Variants in USP34 observed in about 807,000 individuals in gnomAD.
The protein encoded by USP34 is ubiquitin carboxyl-terminal hydrolase 34.
USP34 carries 70 observed loss-of-function variants against 460.3 expected under a neutral mutation model. The ratio of observed to expected loss-of-function variants is 0.15; its 90% CI spans 0.13 to 0.19. The LOEUF (loss-of-function observed/expected upper bound fraction) is 0.19, where lower values mean the gene tolerates loss of function less well. Among genes scored for constraint, USP34 ranks in the 10% least tolerant of loss-of-function variants. The probability of loss-of-function intolerance (pLI) is 1.00; values close to 1 mark genes in which losing one functional copy is unlikely to be tolerated. For missense variants in USP34, 3,985 were observed against 4,236.2 expected (o/e 0.94, Z 1.65); for synonymous variants, 1,647 against 1,405.3 (o/e 1.17, Z -3.85).
At position 61,214,215 on chromosome 2, in the gene USP34, C is replaced by T; in HGVS notation, c.8527G>A (p.Val2843Met). 2 of 1,614,240 alleles carry T rather than the reference C, an allele frequency of 1.2e-6. No individual in the cohort carries two copies. The highest frequency in any genetic ancestry group is 1.7e-6 in the Non-Finnish European group (2 of 1,180,040). The change falls in exon 68 of 80, where the codon GTG becomes ATG. Residue 2843 changes from valine (V) to methionine (M), a missense_variant. Val to Met is a conservative substitution (Grantham distance 21). This residue lies in a region of USP34 where 66 missense variants were observed against 121.2 expected (regional missense o/e 0.54). Coordinates refer to ENST00000398571, the MANE Select transcript of USP34 (RefSeq NM_014709.4). Reference sequence around the variant, plus strand: ...AGCATCCCACGGTTAAAAAGCACCACATCCTGATCATCATGGTCAGCAAGG... The same window carrying T: ...AGCATCCCACGGTTAAAAAGCACCATATCCTGATCATCATGGTCAGCAAGG... ...YILADHDDQDVVLFNRGMLPA... is the reference protein window; with the variant it reads ...YILADHDDQDMVLFNRGMLPA...
Position 61,188,043 on chromosome 2 carries a change from T to C in USP34, c.*59A>G, listed in dbSNP as rs749064258. ...CACAAAAACAAATAAGCAAAACTTA[T>C]ACAAACAGCATGGGGGTTGGGGGTG... On this transcript the variant is annotated 3_prime_UTR_variant, in exon 80 of 80. Coordinates refer to ENST00000398571, the MANE Select transcript of USP34 (RefSeq NM_014709.4). 41 of 1,544,094 alleles carry C rather than the reference T, an allele frequency of 2.7e-5. No individual in the cohort carries two copies. The East Asian group carries it at 2.9e-4, about 11-fold the overall frequency.
chr2:61,282,518 C>A (rs553751811), intron 37 of USP34, among the ~76,000 whole-genome samples: 26 of 152,106 alleles, frequency 1.7e-4, no homozygotes, highest in Non-Finnish European at 3.2e-4. Context: ...CTGGGTGCAG[C>A]GGCTCATGCC....
At chr2:61,268,221 G>A (rs923840158) in intron 41 of USP34, among the ~76,000 whole-genome samples, 1 of 151,854 alleles carries the variant, frequency 6.6e-6, no homozygotes, top group Non-Finnish European at 1.5e-5. Context: ...GTCTGTTTAG[G>A]CTGCTGTAAT....
chr2:61,197,788 C>G (rs930764439), intron 75 of USP34, among the ~76,000 whole-genome samples: 5 of 151,970 alleles, frequency 3.3e-5, no homozygotes, highest in Non-Finnish European at 5.9e-5. Context: ...GGAACAGAGT[C>G]TCACTCTGTT....
chr2:61,288,919 T>C, intron 33 of USP34, 42 bp from the exon 34 acceptor site: 1 of 1,586,476 alleles, frequency 6.3e-7, no homozygotes, highest in Non-Finnish European at 8.6e-7. Flanking sequence ...TTTTCATTAA[T>C]TTAGAATGGC....
chr2:61,388,455 T>TAA lies in USP34; in HGVS notation c.754-5120_754-5119insTT, dbSNP rs1325133129. Among the ~76,000 whole-genome samples the TAA allele has an allele frequency of 4.3e-5, 5 of 116,300 alleles. No homozygotes were observed. The East Asian group carries it at 7.5e-4, about 17-fold the overall frequency. 76.3% of individuals were successfully genotyped at this position (116,300 alleles called of 152,430 possible). ...AGGGGATGTGGGGGTACAGGGGAGT[T>TAA]TAAAAAAAAAAAAAAAAAAGATTGG... On this transcript the variant is annotated intron_variant, in intron 5 of 79. Transcript: ENST00000398571.
At chr2:61,219,340 G>A (rs1687492358) in intron 67 of USP34, among the ~76,000 whole-genome samples, 1 of 152,094 alleles carries the variant, frequency 6.6e-6, no homozygotes, top group Non-Finnish European at 1.5e-5. Context: ...TTTCTCCTAG[G>A]AGCCATGAAT....
At chr2:61,290,240 G>A (rs548926735) in intron 33 of USP34, among the ~76,000 whole-genome samples, 55 of 152,116 alleles carry the variant, frequency 3.6e-4, no homozygotes, top group African/African-American at 1.2e-3. Flanking sequence ...TGAAATTCTC[G>A]TATGTTGCAT....
intron 20 of USP34, among the ~76,000 whole-genome samples, chr2:61,327,086 T>C (rs1390854569): frequency 2.6e-5 from 4 of 152,110 alleles, no homozygotes; most frequent in Non-Finnish European, 1.5e-5. Context: ...GTGCACAGCC[T>C]GGGCATCTTA....
At position 61,348,271 on chromosome 2, in the gene USP34, A is replaced by G. The variant is rs1354201515; in HGVS notation, c.1884T>C (p.Asp628=). 1 of 1,614,170 alleles carries G rather than the reference A, an allele frequency of 6.2e-7. No individual in the cohort carries two copies. The highest frequency in any genetic ancestry group is 2.2e-5 in the East Asian group (1 of 44,882). The change falls in exon 15 of 80, where the codon GAT becomes GAC. Residue 628 remains aspartate (D), a synonymous_variant. Transcript: ENST00000398571. ...TGCTTTTGGGAGGATTATGACCATG[A>G]TCATCGTCTTCATCTTCCTCTTTGA... ...EALKEEDEDD[D]HGHNPPKSSC... is the part of the protein sequence containing the mutation.
intron 15 of USP34, among the ~76,000 whole-genome samples, chr2:61,346,527 T>TAAAA (rs926076478): frequency 2.3e-5 from 1 of 44,270 alleles, no homozygotes; most frequent in African/African-American, 1.1e-4. Flanking sequence ...CCCTATCTCT[T>TAAAA]AAAAAAAAAA....
At chr2:61,280,090 G>C (rs959742849) in intron 39 of USP34, among the ~76,000 whole-genome samples, 154 bp downstream of exon 39, 1 of 152,176 alleles carries the variant, frequency 6.6e-6, no homozygotes, top group Non-Finnish European at 1.5e-5. Context: ...TTAGAAGAAG[G>C]TGGAAAAGCA....
intron 10 of USP34, among the ~76,000 whole-genome samples, chr2:61,355,367 G>T (rs1692071428): frequency 6.6e-6 from 1 of 152,018 alleles, no homozygotes; most frequent in Non-Finnish European, 1.5e-5. Flanking sequence ...TTTTCCACAT[G>T]ATTTAAAAAA....
At chr2:61,257,405 G>A (rs1190944862) in intron 44 of USP34, 55 bp from the exon 45 acceptor site, 10 of 1,449,662 alleles carry the variant, frequency 6.9e-6, no homozygotes, top group South Asian at 1.5e-5. Flanking sequence ...GAAAATTATA[G>A]GTTCTTCAAT....
chr2:61,362,150 A>G (rs1041583016), intron 10 of USP34, among the ~76,000 whole-genome samples: 1 of 152,186 alleles, frequency 6.6e-6, no homozygotes, highest in African/African-American at 2.4e-5. Flanking sequence ...TCAAAAAGAC[A>G]AAAGATAAAT....
intron 20 of USP34, among the ~76,000 whole-genome samples, chr2:61,326,180 C>A (rs1056726023): frequency 6.6e-6 from 1 of 151,534 alleles, no homozygotes; most frequent in Non-Finnish European, 1.5e-5. Flanking sequence ...TGGAGGTAAT[C>A]ATCAGGTTTG....
intron 1 of USP34, among the ~76,000 whole-genome samples, chr2:61,421,792 CACACA>C (rs1558584962): frequency 2.7e-5 from 4 of 148,298 alleles, no homozygotes; most frequent in African/African-American, 9.7e-5. Context: ...CACACACACA[CACACA>C]CGCGCGCGCG....
intron 3 of USP34, among the ~76,000 whole-genome samples, chr2:61,395,750 C>A (rs10188522): frequency 0.4 from 53,373 of 135,002 alleles, 10,380 homozygotes; most frequent in Admixed American, 0.45. Flanking sequence ...CGCGCCACAG[C>A]ACTCCCGCCT....
chr2:61,212,543 G>C (rs1687298664), intron 68 of USP34, among the ~76,000 whole-genome samples: 1 of 152,076 alleles, frequency 6.6e-6, no homozygotes, highest in Non-Finnish European at 1.5e-5. Flanking sequence ...ATTTCCTGAT[G>C]AATAAAAAGT....
Sources: allele counts gnomAD v4.1 joint callset (sites outside exome capture counted in the v4.1 genomes callset), GRCh38; gene constraint gnomAD v4.1.1; regional missense constraint gnomAD v4.1.1; transcripts MANE v1.5; gene names NCBI Gene and HGNC (gene_info 2026-07-23, HGNC 2026-07-21).